Variants in OR2L13 observed in about 807,000 individuals in gnomAD.
OR2L13 encodes the protein olfactory receptor family 2 subfamily L member 13.
OR2L13 carries 14 observed loss-of-function variants against 15.3 expected under a neutral mutation model. That is an observed-to-expected ratio of 0.91 (90% CI 0.60 to 1.43). OR2L13 has a LOEUF of 1.43. Ranked by LOEUF, OR2L13 falls within the 40% of genes most tolerant of loss-of-function variation. The pLI is 0.00. For missense variants in OR2L13, 367 were observed against 387.9 expected (o/e 0.95, Z 0.45); for synonymous variants, 152 against 142.9 (o/e 1.06, Z -0.45).
At chr1:247,977,489 G>A in the OR2L13 span, among the ~76,000 whole-genome samples, 8 of 152,104 alleles carry the variant, frequency 5.3e-5, no homozygotes, top group South Asian at 1.0e-3. Flanking sequence ...TTTAGACACC[G>A]TCTTACTGTG....
the OR2L13 span, among the ~76,000 whole-genome samples, chr1:248,053,396 A>C: frequency 6.6e-6 from 1 of 152,150 alleles, no homozygotes; most frequent in African/African-American, 2.4e-5. Context: ...GCTATTGTGG[A>C]TAGTGCTGCA....
the OR2L13 span, chr1:248,061,244 G>A: frequency 6.2e-7 from 1 of 1,610,994 alleles, no homozygotes; most frequent in East Asian, 2.2e-5. Context: ...ACTCTGGCCT[G>A]CATGGACACC....
At chr1:248,038,534 G>A in the OR2L13 span, 3 of 1,614,186 alleles carry the variant, frequency 1.9e-6, no homozygotes, top group Non-Finnish European at 1.7e-6. Flanking sequence ...ATGGAAACAA[G>A]TCTATCTCCT....
exon 3 of OR2L13, chr1:248,100,325 C>T (rs1348395193): frequency 2.0e-6 from 3 of 1,479,846 alleles, no homozygotes; most frequent in Non-Finnish European, 2.8e-6. Flanking sequence ...TCATGGCCAT[C>T]CCCACTCCCT....
At chr1:248,073,540 T>A in the OR2L13 span, among the ~76,000 whole-genome samples, 1 of 151,966 alleles carries the variant, frequency 6.6e-6, no homozygotes, top group East Asian at 1.9e-4. Context: ...TATGAGTTAA[T>A]GGGTGCAGCA....
chr1:248,042,073 C>T, the OR2L13 span: 13 of 152,014 alleles, frequency 8.6e-5, no homozygotes, highest in African/African-American at 3.1e-4. Flanking sequence ...TATTGCGGCA[C>T]TATTCACAAT....
the OR2L13 span, among the ~76,000 whole-genome samples, chr1:248,032,586 C>A: frequency 6.6e-6 from 1 of 152,182 alleles, no homozygotes; most frequent in Admixed American, 6.5e-5. Context: ...CTGGGTACTT[C>A]CTGTACATAA....
At chr1:248,083,577 T>G in the OR2L13 span, 7 of 1,120,364 alleles carry the variant, frequency 6.2e-6, no homozygotes, top group Admixed American at 2.1e-5. Context: ...AGGGAGAGAA[T>G]TACAATGTGT....
At chr1:247,997,442 T>A in the OR2L13 span, among the ~76,000 whole-genome samples, 1 of 152,308 alleles carries the variant, frequency 6.6e-6, no homozygotes, top group East Asian at 1.9e-4. Context: ...GTATAATACC[T>A]AAAATATGTT....
At chr1:248,035,670 A>C in the OR2L13 span, 1 of 152,124 alleles carries the variant, frequency 6.6e-6, no homozygotes, top group African/African-American at 2.4e-5. Flanking sequence ...ATTTTTGTCC[A>C]TGTATTTTCA....
chr1:248,005,112 C>T, the OR2L13 span, among the ~76,000 whole-genome samples: 1 of 152,098 alleles, frequency 6.6e-6, no homozygotes, highest in Admixed American at 6.6e-5. Flanking sequence ...GGTAGCACAA[C>T]AGAGTGACTA....
the OR2L13 span, chr1:247,966,106 C>G: frequency 6.2e-7 from 1 of 1,614,096 alleles, no homozygotes; most frequent in Non-Finnish European, 8.5e-7. Flanking sequence ...TTGTTCCTCC[C>G]ACCTGATTGT....
At chr1:248,068,972 T>C in the OR2L13 span, among the ~76,000 whole-genome samples, 5 of 152,124 alleles carry the variant, frequency 3.3e-5, no homozygotes. Flanking sequence ...TATGGGACTA[T>C]GTGAAAAGAC....
the OR2L13 span, chr1:247,966,163 C>G: frequency 6.2e-7 from 1 of 1,614,154 alleles, no homozygotes; most frequent in Admixed American, 1.7e-5. Flanking sequence ...CACAAGGCCA[C>G]ACTCCTTGCG....
the OR2L13 span, among the ~76,000 whole-genome samples, chr1:248,050,978 A>C: frequency 1.3e-5 from 2 of 152,200 alleles, no homozygotes; most frequent in Non-Finnish European, 1.5e-5. Context: ...GTTTCAGTAC[A>C]TTTAAGGGAT....
the OR2L13 span, chr1:248,041,140 G>A: frequency 1.3e-5 from 2 of 152,118 alleles, no homozygotes; most frequent in African/African-American, 4.8e-5. Flanking sequence ...AAAACAGCAT[G>A]GTACTGGTAC....
the OR2L13 span, among the ~76,000 whole-genome samples, chr1:248,035,167 T>G: frequency 6.6e-6 from 1 of 152,140 alleles, no homozygotes; most frequent in African/African-American, 2.4e-5. Flanking sequence ...AGTGTCACTC[T>G]TGGCCAGGCA....
At chr1:248,080,916 C>G in the OR2L13 span, among the ~76,000 whole-genome samples, 1 of 152,178 alleles carries the variant, frequency 6.6e-6, no homozygotes, top group African/African-American at 2.4e-5. Flanking sequence ...GGTGCTAGAA[C>G]TTCGTATATT....
chr1:248,011,761 G>T, the OR2L13 span, among the ~76,000 whole-genome samples: 2 of 152,222 alleles, frequency 1.3e-5, 1 homozygote, highest in South Asian at 4.1e-4. Context: ...AATTTCTGCT[G>T]TTTTGGCATT....
Sources: gnomAD v4.1 joint callset for allele counts (sites outside exome capture counted in the v4.1 genomes callset) on GRCh38, gnomAD v4.1.1 for gene constraint, MANE v1.5 for transcripts, NCBI Gene and HGNC (gene_info 2026-07-23, HGNC 2026-07-21) for gene names.